The following NCAM1 variants were observed in gnomAD, a reference collection of about 807,000 sequenced individuals.
The protein encoded by NCAM1 is antigen recognized by monoclonal antibody 5.1H11.
A neutral mutation model predicts 109.8 loss-of-function variants in NCAM1; 14 were observed. The ratio of observed to expected loss-of-function variants is 0.13; its 90% CI spans 0.08 to 0.20. NCAM1 has a LOEUF of 0.20. Ranked by LOEUF, NCAM1 falls within the 10% of genes least tolerant of loss-of-function variation. NCAM1 has a pLI of 1.00. For synonymous variants in NCAM1, 418 were observed against 442.9 expected (o/e 0.94, Z 0.70); for missense variants, 774 against 1,109.9 (o/e 0.70, Z 4.30).
intron 1 of NCAM1, among the ~76,000 whole-genome samples, chr11:113,020,245 G>A (rs1190436848): frequency 6.6e-6 from 1 of 152,126 alleles, no homozygotes; most frequent in Admixed American, 6.5e-5. Context: ...TATTTTCATT[G>A]CATTTGCTTT....
chr11:113,153,620 A>T (rs1942313912), intron 1 of NCAM1, among the ~76,000 whole-genome samples: 1 of 152,204 alleles, frequency 6.6e-6, no homozygotes, highest in African/African-American at 2.4e-5. Flanking sequence ...TTTGTTAGAG[A>T]TAAACTTTCA....
intron 1 of NCAM1, among the ~76,000 whole-genome samples, chr11:113,057,763 C>T (rs1324279745): frequency 2.6e-5 from 4 of 152,120 alleles, no homozygotes; most frequent in African/African-American, 9.7e-5. Context: ...TACAAAATAA[C>T]AGGTTTACCA....
chr11:113,225,766 G>A (rs1164165251), intron 9 of NCAM1, among the ~76,000 whole-genome samples: 1 of 152,176 alleles, frequency 6.6e-6, no homozygotes, highest in Admixed American at 6.5e-5. Flanking sequence ...GAAGAGAGTG[G>A]GGGCCAATAT....
At chr11:113,186,681 G>C (rs1157559383) in intron 1 of NCAM1, among the ~76,000 whole-genome samples, 1 of 152,184 alleles carries the variant, frequency 6.6e-6, no homozygotes, top group Non-Finnish European at 1.5e-5. Flanking sequence ...AAAGAATCCA[G>C]AAGTGTCACA....
chr11:113,008,944 G>C (rs377161173), intron 1 of NCAM1, among the ~76,000 whole-genome samples: 3 of 152,304 alleles, frequency 2.0e-5, no homozygotes, highest in African/African-American at 7.2e-5. Flanking sequence ...ACCAAGGAAA[G>C]GTCAACACAA....
chr11:113,212,320 A>G (rs548544029), intron 7 of NCAM1, among the ~76,000 whole-genome samples: 3 of 152,314 alleles, frequency 2.0e-5, no homozygotes, highest in East Asian at 1.9e-4. Context: ...TCTGTAGACT[A>G]TACAAAATTA....
At chr11:113,263,722 G>A (rs1312685745) in intron 17 of NCAM1, 1 of 985,416 alleles carries the variant, frequency 1.0e-6, no homozygotes, top group Non-Finnish European at 1.2e-6. Flanking sequence ...AGCACAGAGT[G>A]GGGCCGTGGT....
At chr11:113,198,497 G>A (rs144143239) in intron 1 of NCAM1, among the ~76,000 whole-genome samples, 9 of 151,866 alleles carry the variant, frequency 5.9e-5, no homozygotes, top group Non-Finnish European at 8.8e-5. Context: ...TCAGTCTCCC[G>A]AGTAGCTGGG....
intron 1 of NCAM1, among the ~76,000 whole-genome samples, chr11:113,007,892 G>T (rs781829038): frequency 2.6e-5 from 4 of 152,176 alleles, no homozygotes; most frequent in Non-Finnish European, 5.9e-5. Flanking sequence ...GATACTGAAT[G>T]AACTCATTGT....
chr11:113,041,761 G>A (rs930511464), intron 1 of NCAM1, among the ~76,000 whole-genome samples: 12 of 152,038 alleles, frequency 7.9e-5, no homozygotes, highest in Non-Finnish European at 1.5e-4. Context: ...CCAGGGTGAG[G>A]TCTGACTGGT....
At chr11:113,098,396 C>T (rs1308270113) in intron 1 of NCAM1, among the ~76,000 whole-genome samples, 1 of 152,112 alleles carries the variant, frequency 6.6e-6, no homozygotes, top group African/African-American at 2.4e-5. Flanking sequence ...CTTATAATAC[C>T]TAAGGCAAGG....
At chr11:113,024,489 T>C (rs1952482008) in intron 1 of NCAM1, among the ~76,000 whole-genome samples, 1 of 152,174 alleles carries the variant, frequency 6.6e-6, no homozygotes, top group African/African-American at 2.4e-5. Flanking sequence ...AGAAGTTTAG[T>C]GTAATTTAGA....
At chr11:113,101,993 G>A (rs1555091618) in intron 1 of NCAM1, among the ~76,000 whole-genome samples, 2 of 152,124 alleles carry the variant, frequency 1.3e-5, no homozygotes, top group East Asian at 3.8e-4. Context: ...TAAGAATACT[G>A]TTATGTTTGT....
At chr11:113,092,167 C>A (rs1939377275) in intron 1 of NCAM1, among the ~76,000 whole-genome samples, 1 of 152,184 alleles carries the variant, frequency 6.6e-6, no homozygotes, top group East Asian at 1.9e-4. Context: ...TTTTATTAAG[C>A]ACTTACTCTC....
rs142041168 is a variant in NCAM1, at chr11:113,168,481, C to T, written c.53-33898C>T. The stretch of plus-strand genomic sequence containing the variant: ...GTTCAACACATTTCCACCTAATGTG[C>T]CTTATGACAAAAGAAGGGCAGCGTG... On this transcript the variant is annotated intron_variant, in intron 1 of 19. Transcript: ENST00000316851. 4.6e-4 allele frequency among the ~76,000 whole-genome samples: 70 copies of T among 152,264 alleles called. 1 individual carries two copies. The highest frequency in any genetic ancestry group is 1.7e-3 in the African/African-American group (70 of 41,550).
In NCAM1 at chr11:113,101,374, C is replaced by A. The variant is rs553352231; in HGVS notation, c.53-101005C>A. On this transcript the variant is annotated intron_variant, in intron 1 of 19. Coordinates refer to ENST00000316851, the MANE Select transcript of NCAM1 (RefSeq NM_181351.5). ...CCTGTTAGTTGTTAGCACCGCTGAG[C>A]GTGTGACCTTGTTTTTAATAGCATG... 3.3e-5 allele frequency among the ~76,000 whole-genome samples: 5 copies of A among 152,208 alleles called. No homozygotes were observed. In the South Asian group the frequency reaches 1.0e-3, roughly 31 times the overall value.
At chr11:113,039,215 A>G (rs1385391645) in intron 1 of NCAM1, among the ~76,000 whole-genome samples, 1 of 152,202 alleles carries the variant, frequency 6.6e-6, no homozygotes, top group East Asian at 1.9e-4. Flanking sequence ...TGTTTTTTGC[A>G]ATTGGCAAAC....
chr11:113,189,999 A>G (rs893262242), intron 1 of NCAM1, among the ~76,000 whole-genome samples: 1 of 152,208 alleles, frequency 6.6e-6, no homozygotes, highest in Admixed American at 6.5e-5. Flanking sequence ...GAGCATAATT[A>G]GCACATGGGG....
intron 14 of NCAM1, among the ~76,000 whole-genome samples, chr11:113,236,566 T>C (rs1424019459): frequency 1.3e-5 from 2 of 152,158 alleles, no homozygotes; most frequent in Non-Finnish European, 2.9e-5. Flanking sequence ...GCTTATTTAT[T>C]AATTTTTGTG....
Sources: gnomAD v4.1 joint callset for allele counts (sites outside exome capture counted in the v4.1 genomes callset) on GRCh38, gnomAD v4.1.1 for gene constraint, MANE v1.5 for transcripts, NCBI Gene and HGNC (gene_info 2026-07-23, HGNC 2026-07-21) for gene names.